The following FAM193A variants were observed in gnomAD, a reference collection of about 807,000 sequenced individuals.
FAM193A encodes the protein protein FAM193A.
In FAM193A, 22 loss-of-function variants were observed where a neutral mutation model predicts 126.5. The ratio of observed to expected loss-of-function variants is 0.17; its 90% CI spans 0.12 to 0.25. The LOEUF (loss-of-function observed/expected upper bound fraction) is 0.25. Ranked by LOEUF, FAM193A falls within the 10% of genes least tolerant of loss-of-function variation. FAM193A has a pLI of 1.00. For missense variants in FAM193A, 1,675 were observed against 1,672.8 expected (o/e 1.00, Z -0.02); for synonymous variants, 761 against 646.8 (o/e 1.18, Z -2.68).
At chr4:2,552,233 G>T (rs577812465) in intron 1 of FAM193A, among the ~76,000 whole-genome samples, 4 of 151,792 alleles carry the variant, frequency 2.6e-5, no homozygotes, top group African/African-American at 7.3e-5. Context: ...GGATGATCTC[G>T]ACCTCCTGAC....
intron 19 of FAM193A, among the ~76,000 whole-genome samples, chr4:2,710,161 G>GTTTTTTTTTTTTTTTCTTTTT (rs1353124868): frequency 3.3e-5 from 3 of 91,824 alleles, no homozygotes; most frequent in Non-Finnish European, 4.2e-5. Flanking sequence ...TTCTTCTTTT[G>GTTTTTTTTTTTTTTTCTTTTT]TTTTTTTTTT....
At chr4:2,555,174 C>G (rs35312973) in intron 1 of FAM193A, among the ~76,000 whole-genome samples, 1 of 152,000 alleles carries the variant, frequency 6.6e-6, no homozygotes, top group Non-Finnish European at 1.5e-5. Flanking sequence ...ACTTTTTGAC[C>G]TTGTAGGCTT....
At chr4:2,721,044 T>G (rs1319780823) in intron 20 of FAM193A, among the ~76,000 whole-genome samples, 1 of 152,068 alleles carries the variant, frequency 6.6e-6, no homozygotes, top group African/African-American at 2.4e-5. Context: ...CCGGGCGCGG[T>G]GGTTCATGCC....
intron 7 of FAM193A, among the ~76,000 whole-genome samples, chr4:2,649,391 A>AT (rs1745451857): frequency 1.4e-5 from 2 of 144,180 alleles, no homozygotes; most frequent in Non-Finnish European, 3.0e-5. Flanking sequence ...AAAAAAAAAA[A>AT]GCCAGGCTTA....
chr4:2,658,926 T>C (rs556131141), intron 8 of FAM193A, among the ~76,000 whole-genome samples: 1 of 152,274 alleles, frequency 6.6e-6, no homozygotes, highest in Non-Finnish European at 1.5e-5. Flanking sequence ...AATTTTTGTA[T>C]TTTTAGTAGA....
At chr4:2,604,068 C>T (rs1741381575) in intron 2 of FAM193A, among the ~76,000 whole-genome samples, 1 of 152,058 alleles carries the variant, frequency 6.6e-6, no homozygotes, top group African/African-American at 2.4e-5. Flanking sequence ...GTCTCAAACT[C>T]CTGACCTCAG....
At chr4:2,596,696 T>G (rs1220869085) in intron 2 of FAM193A, among the ~76,000 whole-genome samples, 4 of 152,248 alleles carry the variant, frequency 2.6e-5, no homozygotes, top group African/African-American at 9.6e-5. Context: ...CGCGATGCTC[T>G]TAAGCCTCAC....
At chr4:2,673,990 A>T (rs1714117115) in intron 13 of FAM193A, among the ~76,000 whole-genome samples, 1 of 152,218 alleles carries the variant, frequency 6.6e-6, no homozygotes, top group Non-Finnish European at 1.5e-5. Flanking sequence ...AACTTTAATC[A>T]TATAGAAAGA....
chr4:2,603,681 G>T (rs956682781), intron 2 of FAM193A, among the ~76,000 whole-genome samples: 1 of 150,800 alleles, frequency 6.6e-6, no homozygotes, highest in Non-Finnish European at 1.5e-5. Flanking sequence ...GGATGGCCTC[G>T]ATCTCCTGAC....
chr4:2,628,570 G>A (rs907779343), intron 4 of FAM193A, among the ~76,000 whole-genome samples: 23 of 152,092 alleles, frequency 1.5e-4, no homozygotes, highest in African/African-American at 4.6e-4. Flanking sequence ...CCAGGAGTTC[G>A]GTGCTGCACT....
At chr4:2,715,745 A>G (rs1719469876) in intron 19 of FAM193A, among the ~76,000 whole-genome samples, 1 of 152,216 alleles carries the variant, frequency 6.6e-6, no homozygotes, top group Non-Finnish European at 1.5e-5. Flanking sequence ...TATAATGACC[A>G]GTCACATGGG....
intron 1 of FAM193A, among the ~76,000 whole-genome samples, chr4:2,586,574 G>A (rs542057049): frequency 2.4e-4 from 37 of 152,184 alleles, no homozygotes; most frequent in African/African-American, 8.4e-4. Context: ...TTTAGTGTCC[G>A]TGTATCATAC....
chr4:2,576,334 G>A (rs969045149), intron 1 of FAM193A, among the ~76,000 whole-genome samples: 11 of 151,910 alleles, frequency 7.2e-5, no homozygotes, highest in Non-Finnish European at 8.8e-5. Flanking sequence ...TCCTGACCTC[G>A]TGATCCGCCT....
chr4:2,549,458 G>A (rs867090812), intron 1 of FAM193A, among the ~76,000 whole-genome samples: 26 of 135,296 alleles, frequency 1.9e-4, no homozygotes, highest in African/African-American at 6.1e-4. Context: ...GTGCAGTGGC[G>A]GGATCTCGGC....
At chr4:2,625,719 CTTTTT>C (rs35220520) in intron 3 of FAM193A, among the ~76,000 whole-genome samples, 3 of 79,316 alleles carry the variant, frequency 3.8e-5, no homozygotes, top group Non-Finnish European at 2.2e-5. Context: ...TGGAGCTCAT[CTTTTT>C]TTTTTTTTTT....
At chr4:2,607,348 A>G (rs1741607243) in intron 2 of FAM193A, among the ~76,000 whole-genome samples, 1 of 151,652 alleles carries the variant, frequency 6.6e-6, no homozygotes, top group South Asian at 2.1e-4. Flanking sequence ...TTGGTGTTTC[A>G]CTCTTTTCCC....
At chr4:2,712,850 C>G (rs1339190373) in intron 19 of FAM193A, among the ~76,000 whole-genome samples, 1 of 151,918 alleles carries the variant, frequency 6.6e-6, no homozygotes, top group Non-Finnish European at 1.5e-5. Context: ...TGCCTGTAAT[C>G]CCAGCACTTT....
At position 2,626,328 on chromosome 4, in the gene FAM193A, GA is replaced by G. The variant is rs1382766030; in HGVS notation, c.636-81del. 6.1e-6 allele frequency: 4 copies of G among 653,608 alleles called. No homozygotes were observed. In the East Asian group the frequency reaches 8.2e-5, roughly 13 times the overall value. The allele number at this position is 653,608 out of a possible 1,614,324, so 40.5% of individuals were successfully genotyped here. A position where few individuals can be genotyped will look rare whatever the true frequency, so the allele number is the denominator to read the frequency against. On this transcript the variant is annotated intron_variant, in intron 3 of 20. Coordinates refer to ENST00000637812, the MANE Select transcript of FAM193A (RefSeq NM_001366318.2). ...AGCTGGGCAAGGTGCAAGAGCCTGG[GA>G]GGTCCTCTGAGGACAGTGTGCTAGG... is the stretch of plus-strand genomic sequence containing the variant.
At chr4:2,601,581 TA>T (rs1461512794) in intron 2 of FAM193A, among the ~76,000 whole-genome samples, 1 of 151,910 alleles carries the variant, frequency 6.6e-6, no homozygotes, top group Non-Finnish European at 1.5e-5. Context: ...TCTTTTAAAC[TA>T]GTTTTGTTAG....
Sources: allele counts gnomAD v4.1 joint callset (sites outside exome capture counted in the v4.1 genomes callset), GRCh38; gene constraint gnomAD v4.1.1; transcripts MANE v1.5; gene names NCBI Gene and HGNC (gene_info 2026-07-23, HGNC 2026-07-21).